The following AGBL4 variants were observed in gnomAD, a reference collection of about 807,000 sequenced individuals.
The protein encoded by AGBL4 is cytosolic carboxypeptidase 6.
Under a neutral mutation model 66.4 loss-of-function variants are expected in AGBL4, and 58 were observed. The observed-to-expected ratio is 0.87, with a 90% CI of 0.71 to 1.09. AGBL4 has a LOEUF of 1.09. Among genes scored for constraint, AGBL4 ranks in the 50% least tolerant of loss-of-function variants. The pLI is 0.00. For missense variants in AGBL4, 579 were observed against 631.0 expected (o/e 0.92, Z 0.88); for synonymous variants, 234 against 222.9 (o/e 1.05, Z -0.44).
intron 3 of AGBL4, among the ~76,000 whole-genome samples, chr1:49,538,653 A>C (rs1026492763): frequency 6.6e-6 from 1 of 152,206 alleles, no homozygotes; most frequent in Non-Finnish European, 1.5e-5. Context: ...AAAATCATAA[A>C]AGGACAATTT....
chr1:48,975,656 C>G (rs1252603634), intron 5 of AGBL4, among the ~76,000 whole-genome samples: 1 of 152,114 alleles, frequency 6.6e-6, no homozygotes, highest in Non-Finnish European at 1.5e-5. Context: ...TACTATCCAC[C>G]AACAAGTGAA....
chr1:48,712,536 C>A (rs185701348), intron 6 of AGBL4, among the ~76,000 whole-genome samples: 1 of 152,112 alleles, frequency 6.6e-6, no homozygotes, highest in Non-Finnish European at 1.5e-5. Context: ...AAACACAGGC[C>A]GGATGCTGTT....
intron 3 of AGBL4, among the ~76,000 whole-genome samples, chr1:49,551,793 G>A (rs921640192): frequency 6.6e-6 from 1 of 152,232 alleles, no homozygotes; most frequent in Non-Finnish European, 1.5e-5. Context: ...AGGTAGTGCT[G>A]TCCAGAGAGC....
At chr1:49,573,832 C>A (rs922741333) in intron 3 of AGBL4, among the ~76,000 whole-genome samples, 3 of 152,112 alleles carry the variant, frequency 2.0e-5, no homozygotes, top group Non-Finnish European at 4.4e-5. Flanking sequence ...GTGGGAGAAC[C>A]CTGATGAAGC....
intron 3 of AGBL4, among the ~76,000 whole-genome samples, chr1:49,452,844 A>G (rs905299233): frequency 1.4e-4 from 22 of 151,766 alleles, no homozygotes; most frequent in Non-Finnish European, 3.1e-4. Context: ...GAGTTTCCTG[A>G]GTGTCTTTTC....
rs369777351 is a variant in AGBL4, at chr1:48,811,935, G to A, written c.634+55256C>T. On this transcript the variant is annotated intron_variant, in intron 6 of 13. Transcript: ENST00000371839. The stretch of plus-strand genomic sequence containing the variant: ...GGTCTGAGATGAAAGATAAGGAACC[G>A]TTCAGCAAGGTCTTACACAGGGATT... Among the ~76,000 whole-genome samples, 36 of 152,284 alleles carry A rather than the reference G, an allele frequency of 2.4e-4. 1 individual carries two copies. The highest frequency in any genetic ancestry group is 7.7e-4 in the African/African-American group (32 of 41,552).
chr1:49,935,530 C>A (rs1186099017), intron 1 of AGBL4, among the ~76,000 whole-genome samples: 1 of 152,194 alleles, frequency 6.6e-6, no homozygotes, highest in Non-Finnish European at 1.5e-5. Context: ...CAGACTACCT[C>A]CTCAAGTGGG....
intron 11 of AGBL4, among the ~76,000 whole-genome samples, chr1:48,541,317 C>T (rs112682690): frequency 2.1e-4 from 32 of 152,216 alleles, no homozygotes; most frequent in African/African-American, 7.7e-4. Context: ...CCTTCACCAA[C>T]CAGAGTGCTA....
intron 4 of AGBL4, among the ~76,000 whole-genome samples, chr1:49,203,280 G>A (rs555843660): frequency 5.5e-4 from 84 of 152,128 alleles, no homozygotes; most frequent in Non-Finnish European, 1.1e-3. Flanking sequence ...ATCTATACCC[G>A]AAATAATTGA....
intron 3 of AGBL4, among the ~76,000 whole-genome samples, chr1:49,585,812 T>G (rs539281994): frequency 6.6e-6 from 1 of 152,244 alleles, no homozygotes; most frequent in Non-Finnish European, 1.5e-5. Context: ...TATACAAACA[T>G]GTGGGAGTGG....
intron 3 of AGBL4, among the ~76,000 whole-genome samples, chr1:49,399,994 T>C (rs1645050200): frequency 6.6e-6 from 1 of 152,126 alleles, no homozygotes; most frequent in Non-Finnish European, 1.5e-5. Flanking sequence ...GATTTAAGTC[T>C]TTAATCCATT....
At chr1:49,703,102 G>GA (rs1041779304) in intron 2 of AGBL4, among the ~76,000 whole-genome samples, 6 of 148,226 alleles carry the variant, frequency 4.0e-5, no homozygotes, top group Non-Finnish European at 7.5e-5. Context: ...AAGTATGCCA[G>GA]AAAAAAAAGC....
intron 1 of AGBL4, among the ~76,000 whole-genome samples, chr1:49,987,221 C>G (rs1432480019): frequency 6.6e-6 from 1 of 151,974 alleles, no homozygotes. Flanking sequence ...CAACAAATGT[C>G]AAGAAGAGGC....
At chr1:49,468,195 T>A (rs1379913053) in intron 3 of AGBL4, among the ~76,000 whole-genome samples, 1 of 151,814 alleles carries the variant, frequency 6.6e-6, no homozygotes, top group Non-Finnish European at 1.5e-5. Context: ...TTGGTACACA[T>A]AAGGTCCTGA....
intron 4 of AGBL4, among the ~76,000 whole-genome samples, chr1:49,083,586 C>G (rs972720310): frequency 6.6e-6 from 1 of 152,210 alleles, no homozygotes; most frequent in Non-Finnish European, 1.5e-5. Flanking sequence ...GGGCCCAGCC[C>G]ACAAAACCAT....
chr1:48,825,719 G>A (rs1646413044), intron 6 of AGBL4, among the ~76,000 whole-genome samples: 1 of 152,206 alleles, frequency 6.6e-6, no homozygotes, highest in East Asian at 1.9e-4. Flanking sequence ...GCAAAGAAGT[G>A]GTAAAATGCA....
chr1:48,693,192 GTCCCCGGAC>G (rs1050905065), intron 6 of AGBL4, among the ~76,000 whole-genome samples: 7 of 152,210 alleles, frequency 4.6e-5, no homozygotes, highest in Non-Finnish European at 8.8e-5. Context: ...TCCTCAGCAA[GTCCCCGGAC>G]CCTGGGCAGG....
chr1:48,877,340 CG>C (rs1321457026), intron 5 of AGBL4, among the ~76,000 whole-genome samples: 1 of 151,962 alleles, frequency 6.6e-6, no homozygotes, highest in African/African-American at 2.4e-5. Context: ...AAGAGGGCCT[CG>C]TTTTAGACAT....
At chr1:49,966,198 T>C (rs1657549276) in intron 1 of AGBL4, among the ~76,000 whole-genome samples, 1 of 152,128 alleles carries the variant, frequency 6.6e-6, no homozygotes, top group South Asian at 2.1e-4. Flanking sequence ...TGCCTCAGCC[T>C]CCCAAAGTGC....
Sources: gnomAD v4.1 joint callset for allele counts (sites outside exome capture counted in the v4.1 genomes callset) on GRCh38, gnomAD v4.1.1 for gene constraint, MANE v1.5 for transcripts, NCBI Gene and HGNC (gene_info 2026-07-23, HGNC 2026-07-21) for gene names.